Variants in RASL12 observed in about 807,000 individuals in gnomAD.
The protein encoded by RASL12 is RAS like family 12, also known as ras-like protein family member 12.
RASL12 carries 16 observed loss-of-function variants against 22.9 expected under a neutral mutation model. That is an observed-to-expected ratio of 0.70 (90% CI 0.47 to 1.06). The LOEUF is 1.06. Among genes scored for constraint, RASL12 ranks in the 50% least tolerant of loss-of-function variants. The pLI is 0.00. For missense variants in RASL12, 306 were observed against 353.1 expected (o/e 0.87, Z 1.07); for synonymous variants, 159 against 152.2 (o/e 1.04, Z -0.33).
chr15:65,049,093 A>C (rs2086613484), downstream of RASL12: 1 of 151,340 alleles, frequency 6.6e-6, no homozygotes. Flanking sequence ...AATTTTACCT[A>C]TTTCTTTTTG....
chr15:65,062,186 AGAG>A (rs1353869567), intron 2 of RASL12, among the ~76,000 whole-genome samples: 1 of 152,116 alleles, frequency 6.6e-6, no homozygotes, highest in Non-Finnish European at 1.5e-5. Flanking sequence ...CCCTTCTGGG[AGAG>A]GAGAATATTC....
the RASL12 span, among the ~76,000 whole-genome samples, chr15:65,048,250 C>T: frequency 6.6e-6 from 1 of 151,928 alleles, no homozygotes; most frequent in Non-Finnish European, 1.5e-5. Context: ...CCATCTCCAC[C>T]TTGGCATATG....
intron 2 of RASL12, among the ~76,000 whole-genome samples, chr15:65,060,083 CTG>C (rs2086783961): frequency 6.6e-6 from 1 of 152,234 alleles, no homozygotes; most frequent in South Asian, 2.1e-4. Context: ...AATGGGAACA[CTG>C]TGATAACATT....
Position 65,053,712 on chromosome 15 carries a change from C to T in RASL12, c.*1187G>A. The T allele has an allele frequency of 1.0e-6, 1 of 988,282 alleles. No homozygotes were observed. Among genetic ancestry groups the T allele is most frequent in the Non-Finnish European group, 1.2e-6 (1 of 831,698 alleles). The allele number at this position is 988,282 out of a possible 1,614,324, so 61.2% of individuals were successfully genotyped here. On this transcript the variant is annotated 3_prime_UTR_variant, in exon 5 of 5. Coordinates refer to ENST00000220062, the MANE Select transcript of RASL12 (RefSeq NM_016563.4). ...AGGACCCTCTCTTTTCCCTGCTTGT[C>T]TGCTAAGAGTCTGTGCAAGACTTCC...
At chr15:65,052,317 A>T (rs1053472849), downstream of RASL12, among the ~76,000 whole-genome samples, 4 of 151,724 alleles carry the variant, frequency 2.6e-5, no homozygotes, top group African/African-American at 9.7e-5. Context: ...CCAAGGTCAG[A>T]GACAGTGTGG....
chr15:65,051,791 AAACAGCAACAG>A (rs1235621629), downstream of RASL12, among the ~76,000 whole-genome samples: 1 of 100,438 alleles, frequency 1.0e-5, no homozygotes, highest in Non-Finnish European at 2.2e-5. Flanking sequence ...AACAAACAAA[AAACAGCAACAG>A]TCCCTGATTA....
chr15:65,073,149 C>A (rs1416469164), intron 1 of RASL12, among the ~76,000 whole-genome samples: 3 of 152,150 alleles, frequency 2.0e-5, no homozygotes, highest in Non-Finnish European at 4.4e-5. Flanking sequence ...TCTAGCAGTC[C>A]CCAACCTTTT....
the RASL12 span, among the ~76,000 whole-genome samples, chr15:65,047,994 C>A: frequency 6.6e-6 from 1 of 152,022 alleles, no homozygotes; most frequent in South Asian, 2.1e-4. Context: ...GCCTGGGAAA[C>A]ATGAGGAAAC....
At chr15:65,050,532 G>A (rs1434329041), downstream of RASL12, among the ~76,000 whole-genome samples, 1 of 152,234 alleles carries the variant, frequency 6.6e-6, no homozygotes, top group Non-Finnish European at 1.5e-5. Flanking sequence ...AGCAAGGGCA[G>A]TAATGTGGTC....
At chr15:65,076,224 C>A (rs2086967982) in intron 1 of RASL12, among the ~76,000 whole-genome samples, 1 of 152,210 alleles carries the variant, frequency 6.6e-6, no homozygotes, top group South Asian at 2.1e-4. Context: ...TTATTCTTTT[C>A]CTCTTTGCAA....
intron 1 of RASL12, among the ~76,000 whole-genome samples, chr15:65,066,751 T>G (rs996232990): frequency 6.6e-6 from 1 of 151,960 alleles, no homozygotes; most frequent in Admixed American, 6.6e-5. Flanking sequence ...AGATTCAGAG[T>G]CCCCTCTCTG....
intron 4 of RASL12, 118 bp downstream of exon 4, chr15:65,058,309 T>C: frequency 2.6e-6 from 2 of 778,514 alleles, no homozygotes; most frequent in South Asian, 3.7e-5. Context: ...TAATCCCTTC[T>C]ACCACAATTC....
At chr15:65,070,826 A>G (rs530449332), upstream of RASL12, among the ~76,000 whole-genome samples, 7 of 152,230 alleles carry the variant, frequency 4.6e-5, no homozygotes, top group African/African-American at 1.4e-4. Context: ...ATAAATTCAC[A>G]TGTCAAAGGG....
upstream of RASL12, chr15:65,068,278 CCACT>C: frequency 1.0e-6 from 1 of 985,370 alleles, no homozygotes; most frequent in Non-Finnish European, 1.2e-6. This position sits in a 1 kb window ranked among gnomAD's most constrained non-coding sequence, Gnocchi z 4.2. Flanking sequence ...CCTGAACCTC[CCACT>C]CAATCTCTTT....
chr15:65,059,429 G>A lies in RASL12; in HGVS notation c.161-11C>T, dbSNP rs1408431051. On this transcript the variant is annotated splice_polypyrimidine_tract_variant and intron_variant, in intron 2 of 4. Coordinates refer to ENST00000220062, the MANE Select transcript of RASL12 (RefSeq NM_016563.4). ...AGCTGTAGGTGTCCTCTACAACACA[G>A]ATGGTTAGCCAGGTCAGACACAGTG... The A allele has an allele frequency of 3.1e-6, 5 of 1,611,486 alleles. No individual in the cohort carries two copies. Among genetic ancestry groups the A allele is most frequent in the Non-Finnish European group, 4.2e-6 (5 of 1,178,162 alleles).
intron 4 of RASL12, among the ~76,000 whole-genome samples, chr15:65,056,039 G>A (rs1337604744): frequency 6.6e-6 from 1 of 152,112 alleles, no homozygotes. Context: ...GAAGGTCCTG[G>A]AGGCTTCTGA....
chr15:65,048,185 GAAA>G, the RASL12 span, among the ~76,000 whole-genome samples: 1 of 95,392 alleles, frequency 1.0e-5, no homozygotes, highest in East Asian at 5.4e-4. Flanking sequence ...CGTCTCAAAA[GAAA>G]AAAAAAGAAA....
downstream of RASL12, among the ~76,000 whole-genome samples, chr15:65,050,830 C>CTTTTTTTTT (rs1206139825): frequency 2.1e-5 from 1 of 48,538 alleles, no homozygotes; most frequent in African/African-American, 5.3e-5. Flanking sequence ...CTTTCTTCTT[C>CTTTTTTTTT]TTCTTCTTTT....
At chr15:65,049,149 A>C (rs921550218), downstream of RASL12, 7 of 151,972 alleles carry the variant, frequency 4.6e-5, no homozygotes, top group Admixed American at 3.3e-4. Flanking sequence ...AAGTAGTAAT[A>C]ATGCAGTTAG....
Sources: allele counts gnomAD v4.1 joint callset (sites outside exome capture counted in the v4.1 genomes callset), GRCh38; gene constraint gnomAD v4.1.1; non-coding constraint Gnocchi (gnomAD v3.1); transcripts MANE v1.5; gene names NCBI Gene and HGNC (gene_info 2026-07-23, HGNC 2026-07-21).